The following LIMCH1 variants were observed in gnomAD, a reference collection of about 807,000 sequenced individuals.
The protein encoded by LIMCH1 is LIM and calponin homology domains 1.
In LIMCH1, 113 loss-of-function variants were observed where a neutral mutation model predicts 176.5. The observed-to-expected ratio is 0.64, with a 90% confidence interval of 0.55 to 0.75. The LOEUF is 0.75. LIMCH1 is among the 30% of genes least tolerant of loss of function. The probability of loss-of-function intolerance (pLI) is 0.00; values close to 1 mark genes in which losing one functional copy is unlikely to be tolerated. For synonymous variants in LIMCH1, 619 were observed against 645.9 expected (o/e 0.96, Z 0.63); for missense variants, 1,674 against 1,814.9 (o/e 0.92, Z 1.41).
chr4:41,406,091 C>G (rs2058932282), intron 1 of LIMCH1, among the ~76,000 whole-genome samples: 1 of 152,230 alleles, frequency 6.6e-6, no homozygotes, highest in Non-Finnish European at 1.5e-5. Context: ...AATCAAGCCT[C>G]TATCAATCAC....
At chr4:41,459,152 G>C (rs905602353) in intron 1 of LIMCH1, among the ~76,000 whole-genome samples, 2 of 152,162 alleles carry the variant, frequency 1.3e-5, no homozygotes, top group Admixed American at 1.3e-4. Context: ...GCTGATTATG[G>C]CTGAGTTTCA....
chr4:41,409,270 G>A lies in LIMCH1; in HGVS notation c.96+48334G>A, dbSNP rs75260258. 2.2e-3 allele frequency among the ~76,000 whole-genome samples: 342 copies of A among 152,184 alleles called. 1 individual carries two copies. Among genetic ancestry groups the A allele is most frequent in the African/African-American group, 7.3e-3 (305 of 41,536 alleles). On this transcript the variant is annotated intron_variant, in intron 1 of 26. Transcript: ENST00000313860. ...ACAGTCTGATTGTTTGGCTCATTAT[G>A]ACTCATGAGCAGCTGAAATGTGTGG...
chr4:41,620,039 C>G (rs1239476659), intron 6 of LIMCH1: 1 of 204,232 alleles, frequency 4.9e-6, no homozygotes, highest in East Asian at 1.3e-4. Flanking sequence ...GACCCAATAA[C>G]AAATAAGGCA....
chr4:41,382,365 G>C (rs2055812707), intron 1 of LIMCH1, among the ~76,000 whole-genome samples: 1 of 149,482 alleles, frequency 6.7e-6, no homozygotes, highest in South Asian at 2.2e-4. Flanking sequence ...GCCTTGGTAT[G>C]AACTGGGGAC....
intron 1 of LIMCH1, among the ~76,000 whole-genome samples, chr4:41,586,555 GT>G (rs779172280): frequency 2.0e-5 from 3 of 152,148 alleles, no homozygotes; most frequent in Non-Finnish European, 4.4e-5. Flanking sequence ...ATGATAGATA[GT>G]TTAAGCAGTT....
At chr4:41,654,330 G>A (rs993872189) in intron 18 of LIMCH1, among the ~76,000 whole-genome samples, 11 of 152,130 alleles carry the variant, frequency 7.2e-5, no homozygotes, top group Non-Finnish European at 7.4e-5. Flanking sequence ...ACGAGATCAC[G>A]AGGGTAAACA....
At chr4:41,451,240 C>G (rs556356983) in intron 1 of LIMCH1, among the ~76,000 whole-genome samples, 1 of 151,868 alleles carries the variant, frequency 6.6e-6, no homozygotes, top group Non-Finnish European at 1.5e-5. Context: ...CTCAGCCTCC[C>G]GAGTAGCTGA....
At chr4:41,542,419 G>T (rs1313817875) in intron 1 of LIMCH1, among the ~76,000 whole-genome samples, 1 of 151,050 alleles carries the variant, frequency 6.6e-6, no homozygotes, top group Non-Finnish European at 1.5e-5. Context: ...CTCAGTCAGG[G>T]TAATTAAGGA....
chr4:41,500,337 T>C (rs1444991492), intron 2 of LIMCH1, among the ~76,000 whole-genome samples: 1 of 152,244 alleles, frequency 6.6e-6, no homozygotes, highest in Non-Finnish European at 1.5e-5. Context: ...ATTTGTTAGC[T>C]GTCATTCTTG....
rs2091297061 is a variant in LIMCH1 at position 41,610,519 on chromosome 4, T to A, written c.10-2947T>A. On this transcript the variant is annotated intron_variant, in intron 4 of 31. Transcript: ENST00000503057. ...ATTTGTATATATTGAAATTTACCCA[T>A]TTGAGAGAATAAATTGTAGTAATTA... Among the ~76,000 whole-genome samples, 4 of 152,236 alleles carry A rather than the reference T, an allele frequency of 2.6e-5. No individual in the cohort carries two copies. The South Asian group carries it at 8.3e-4, about 32-fold the overall frequency.
intron 1 of LIMCH1, among the ~76,000 whole-genome samples, chr4:41,545,713 T>A (rs1583821804): frequency 6.6e-6 from 1 of 152,230 alleles, no homozygotes; most frequent in African/African-American, 2.4e-5. Context: ...GATCATCTCT[T>A]ATGGTTGATC....
chr4:41,369,939 A>AGTGTGTGTGT (rs113302113), intron 1 of LIMCH1, among the ~76,000 whole-genome samples: 1,608 of 138,338 alleles, frequency 0.012, 31 homozygotes, highest in African/African-American at 0.043. Context: ...CAGGAAGCAA[A>AGTGTGTGTGT]GTGTGTGTGT....
intron 2 of LIMCH1, among the ~76,000 whole-genome samples, chr4:41,522,228 G>T (rs909784295): frequency 7.9e-5 from 12 of 152,132 alleles, no homozygotes; most frequent in Non-Finnish European, 1.3e-4. Flanking sequence ...ATTGAAAAGG[G>T]CATAGCTCCA....
At chr4:41,459,141 T>G (rs1249419732) in intron 1 of LIMCH1, among the ~76,000 whole-genome samples, 1 of 152,224 alleles carries the variant, frequency 6.6e-6, no homozygotes, top group Non-Finnish European at 1.5e-5. Context: ...AAGATGAACA[T>G]GCTGATTATG....
chr4:41,675,808 G>A (rs79781781), intron 22 of LIMCH1, among the ~76,000 whole-genome samples: 411 of 152,302 alleles, frequency 2.7e-3, no homozygotes, highest in Non-Finnish European at 4.5e-3. Context: ...GTAAGTCTTT[G>A]AGCTTGAGTG....
intron 1 of LIMCH1, among the ~76,000 whole-genome samples, chr4:41,555,365 C>T (rs1170522285): frequency 6.6e-6 from 1 of 152,188 alleles, no homozygotes; most frequent in Non-Finnish European, 1.5e-5. Flanking sequence ...CTCACAACTA[C>T]ATGGTATGCC....
chr4:41,535,444 C>T (rs1259389732), upstream of LIMCH1, among the ~76,000 whole-genome samples: 1 of 152,156 alleles, frequency 6.6e-6, no homozygotes, highest in Non-Finnish European at 1.5e-5. Flanking sequence ...GGCCTGTCTC[C>T]TTGGCTCCCA....
chr4:41,530,142 G>A (rs569435672), intron 3 of LIMCH1, among the ~76,000 whole-genome samples: 6 of 152,288 alleles, frequency 3.9e-5, no homozygotes, highest in African/African-American at 1.2e-4. Context: ...ATCAGAGTAG[G>A]GGAAGTGATG....
chr4:41,364,718 G>C (rs1374501567), intron 1 of LIMCH1, among the ~76,000 whole-genome samples: 1 of 152,114 alleles, frequency 6.6e-6, no homozygotes, highest in Non-Finnish European at 1.5e-5. Context: ...AATGCTCAAT[G>C]CCTCTCCTCT....
Sources: allele counts gnomAD v4.1 joint callset (sites outside exome capture counted in the v4.1 genomes callset), GRCh38; gene constraint gnomAD v4.1.1; transcripts MANE v1.5; gene names NCBI Gene and HGNC (gene_info 2026-07-23, HGNC 2026-07-21).